ABL1: variants seen among roughly 807,000 people sequenced by gnomAD.
ABL1 encodes ABL proto-oncogene 1, non-receptor tyrosine kinase.
Under a neutral mutation model 94.7 loss-of-function variants are expected in ABL1, and 11 were observed. The observed-to-expected ratio is 0.12, with a 90% CI of 0.07 to 0.19. ABL1 has a LOEUF of 0.19. Among genes scored for constraint, ABL1 ranks in the 10% least tolerant of loss-of-function variants. The pLI is 1.00. For synonymous variants in ABL1, 656 were observed against 622.4 expected (o/e 1.05, Z -0.80); for missense variants, 1,082 against 1,489.4 (o/e 0.73, Z 4.50).
chr9:130,730,045 A>G (rs1588213445), intron 1 of ABL1, among the ~76,000 whole-genome samples: 1 of 55,330 alleles, frequency 1.8e-5, no homozygotes, highest in Admixed American at 1.9e-4. Flanking sequence ...GCCCAGCCAG[A>G]CTTTTTTTTT....
rs1341564790 is a variant in ABL1 at position 130,885,740 on chromosome 9, T to C, written c.*57T>C. 1.3e-6 allele frequency: 2 copies of C among 1,556,192 alleles called. No homozygotes were observed. On this transcript the variant is annotated 3_prime_UTR_variant, in exon 11 of 11. Coordinates refer to ENST00000318560, the MANE Select transcript of ABL1 (RefSeq NM_005157.6). ...GGAGCTGCCTGCAGCACATGCGGGC[T>C]CGCCCATACCCGTGACAGTGGCTGA...
At chr9:130,726,711 C>T (rs1369106623) in intron 1 of ABL1, among the ~76,000 whole-genome samples, 3 of 152,102 alleles carry the variant, frequency 2.0e-5, no homozygotes, top group African/African-American at 7.2e-5. Context: ...TGGCTTCAAG[C>T]GATCCTCCTG....
At chr9:130,776,688 G>C (rs1829663180) in intron 1 of ABL1, among the ~76,000 whole-genome samples, 1 of 152,108 alleles carries the variant, frequency 6.6e-6, no homozygotes, top group East Asian at 1.9e-4. Context: ...GCTGGGGGGA[G>C]TTGCAGGGCT....
At chr9:130,877,473 G>A (rs1831366271) in intron 7 of ABL1, among the ~76,000 whole-genome samples, 1 of 147,944 alleles carries the variant, frequency 6.8e-6, no homozygotes, top group Non-Finnish European at 1.5e-5. Context: ...ACAGAGCTAA[G>A]AGTTAACATG....
chr9:130,770,391 C>T (rs1367941697), intron 1 of ABL1, among the ~76,000 whole-genome samples: 3 of 152,140 alleles, frequency 2.0e-5, no homozygotes, highest in Admixed American at 6.5e-5. Context: ...CCTGTAGTCC[C>T]AGCTACTCAA....
intron 1 of ABL1, among the ~76,000 whole-genome samples, chr9:130,798,235 A>AT (rs1198965036): frequency 2.0e-5 from 3 of 152,090 alleles, no homozygotes; most frequent in African/African-American, 7.2e-5. Flanking sequence ...TTCTTTCCAC[A>AT]TTGCAGTTTT....
rs1423362935 is a variant in ABL1, at chr9:130,885,336, C to T, written c.3046C>T (p.Arg1016Cys). Residue 1016 changes from arginine (R) to cysteine (C), a missense_variant, in exon 11 of 11, where the codon CGC (arginine) becomes TGC (cysteine). Physicochemically the swap from Arg to Cys is radical, Grantham distance 180. This residue lies in a region of ABL1 where 780 missense variants were observed against 835.8 expected (regional missense o/e 0.93). Coordinates refer to ENST00000318560, the MANE Select transcript of ABL1 (RefSeq NM_005157.6). ...ISTRVSLRKT[R>C]QPPERIASGA... is the part of the protein sequence containing the mutation. ...AACCCGAGTGTCTCTTCGGAAAACC[C>T]GCCAGCCTCCAGAGCGGATCGCCAG... is the stretch of plus-strand genomic sequence containing the variant. The T allele has an allele frequency of 3.1e-6, 5 of 1,613,614 alleles. No homozygotes were observed. The highest frequency in any genetic ancestry group is 1.1e-5 in the South Asian group (1 of 91,092).
intron 4 of ABL1, among the ~76,000 whole-genome samples, chr9:130,866,345 A>T (rs897126962): frequency 9.3e-5 from 14 of 151,132 alleles, no homozygotes; most frequent in South Asian, 2.1e-4. Flanking sequence ...TATGCCTTTT[A>T]AAAAAAAATC....
intron 1 of ABL1, among the ~76,000 whole-genome samples, chr9:130,826,155 CTT>C (rs35754166): frequency 2.0e-5 from 3 of 147,234 alleles, no homozygotes; most frequent in African/African-American, 4.9e-5. Context: ...AAAAAGATTT[CTT>C]TTTTTTTTTT....
intron 1 of ABL1, among the ~76,000 whole-genome samples, chr9:130,813,369 G>A (rs1190403553): frequency 1.3e-5 from 2 of 151,638 alleles, no homozygotes; most frequent in African/African-American, 4.8e-5. Context: ...AGACCATCCT[G>A]GCTAACATGG....
chr9:130,751,487 A>G (rs887026539), intron 1 of ABL1, among the ~76,000 whole-genome samples: 2 of 152,080 alleles, frequency 1.3e-5, no homozygotes, highest in African/African-American at 2.4e-5. Flanking sequence ...TAGATATTAT[A>G]TAGCTAACAG....
rs139082359 is a variant in ABL1, at chr9:130,808,099, G to C, written c.137-45965G>C. Among the ~76,000 whole-genome samples, 919 of 150,266 alleles carry C rather than the reference G, an allele frequency of 6.1e-3. 8 individuals are homozygous for C. The highest frequency in any genetic ancestry group is 0.021 in the African/African-American group (861 of 40,790). ...TTAACTGATCAAAAAAAAAAAAACA[G>C]ATTAACTGGTCAAACATAGATTTAC... On this transcript the variant is annotated intron_variant, in intron 1 of 10. Coordinates refer to the ABL1 transcript ENST00000372348.
chr9:130,804,432 C>T (rs1478588421), intron 1 of ABL1, among the ~76,000 whole-genome samples: 3 of 151,982 alleles, frequency 2.0e-5, no homozygotes, highest in Non-Finnish European at 4.4e-5. Flanking sequence ...ACTAAAAATA[C>T]AAAATTAGTG....
At chr9:130,773,765 G>A (rs1832281080) in intron 1 of ABL1, among the ~76,000 whole-genome samples, 1 of 151,536 alleles carries the variant, frequency 6.6e-6, no homozygotes, top group Non-Finnish European at 1.5e-5. Context: ...ACAGACATGA[G>A]CCATTGTGCC....
At chr9:130,811,512 A>G (rs533079213) in intron 1 of ABL1, among the ~76,000 whole-genome samples, 55 of 152,216 alleles carry the variant, frequency 3.6e-4, no homozygotes, top group African/African-American at 1.3e-3. Context: ...GAACAAATAT[A>G]CTCTTGTAAG....
intron 1 of ABL1, among the ~76,000 whole-genome samples, chr9:130,721,820 TTG>T (rs1491030770): frequency 2.8e-4 from 36 of 128,782 alleles, no homozygotes; most frequent in South Asian, 5.6e-4. Context: ...AGGTTTTTTT[TTG>T]TTTTTTTTTT....
chr9:130,727,394 A>G (rs920487991), intron 1 of ABL1, among the ~76,000 whole-genome samples: 1 of 152,090 alleles, frequency 6.6e-6, no homozygotes, highest in Non-Finnish European at 1.5e-5. Flanking sequence ...TGAGAGAGTG[A>G]TGCTGAAGAT....
intron 1 of ABL1, among the ~76,000 whole-genome samples, chr9:130,844,107 C>T (rs546830863): frequency 1.2e-4 from 18 of 152,176 alleles, no homozygotes; most frequent in Non-Finnish European, 2.2e-4. Context: ...AGGGCCACCT[C>T]CCAAGCCCAT....
At chr9:130,738,999 CAGCCTCCAGAGTAGCGGGG>C (rs1395645854) in intron 1 of ABL1, among the ~76,000 whole-genome samples, 1 of 152,202 alleles carries the variant, frequency 6.6e-6, no homozygotes, top group African/African-American at 2.4e-5. Flanking sequence ...TCTCCTGTCT[CAGCCTCCAGAGTAGCGGGG>C]AGCCACCCGC....
Sources: allele counts gnomAD v4.1 joint callset (sites outside exome capture counted in the v4.1 genomes callset), GRCh38; gene constraint gnomAD v4.1.1; regional missense constraint gnomAD v4.1.1; transcripts MANE v1.5; gene names NCBI Gene and HGNC (gene_info 2026-07-23, HGNC 2026-07-21).